The following SLC36A1 variants were observed in gnomAD, a reference collection of about 807,000 sequenced individuals.
SLC36A1 encodes the protein solute carrier family 36 member 1, also known as proton-coupled amino acid transporter 1.
SLC36A1 carries 30 observed loss-of-function variants against 47.5 expected under a neutral mutation model. The observed-to-expected ratio is 0.63, with a 90% CI of 0.47 to 0.86. SLC36A1 has a LOEUF of 0.86. Among genes scored for constraint, SLC36A1 ranks in the 40% least tolerant of loss-of-function variants. The pLI, the probability that SLC36A1 is intolerant of heterozygous loss-of-function variation, is 0.00. For synonymous variants in SLC36A1, 255 were observed against 249.7 expected, an observed-to-expected ratio of 1.02 and a Z score of -0.20; for missense variants, 517 against 606.0, an observed-to-expected ratio of 0.85 and a Z score of 1.54.
At chr5:151,456,131 T>G (rs1754464732) in intron 1 of SLC36A1, among the ~76,000 whole-genome samples, 1 of 152,210 alleles carries the variant, frequency 6.6e-6, no homozygotes, top group African/African-American at 2.4e-5. Context: ...AGGTTCTATC[T>G]TCAGATGCTT....
chr5:151,394,162 G>A, the SLC36A1 span, among the ~76,000 whole-genome samples: 1 of 152,030 alleles, frequency 6.6e-6, no homozygotes, highest in Admixed American at 6.6e-5. Flanking sequence ...TTGATCTTCA[G>A]TCACTGATAC....
downstream of SLC36A1, among the ~76,000 whole-genome samples, chr5:151,497,006 G>C (rs1760363759): frequency 6.6e-6 from 1 of 152,084 alleles, no homozygotes; most frequent in South Asian, 2.1e-4. Context: ...AATTCTAGGA[G>C]TTTTTGGTTA....
chr5:151,511,066 C>T, the SLC36A1 span: 1 of 152,616 alleles, frequency 6.6e-6, no homozygotes, highest in Middle Eastern at 3.4e-3. Flanking sequence ...CCGGCTCCTG[C>T]TGGAAGGTGG....
At chr5:151,445,322 G>A (rs1016538074), upstream of SLC36A1, among the ~76,000 whole-genome samples, 3 of 152,040 alleles carry the variant, frequency 2.0e-5, no homozygotes, top group South Asian at 2.1e-4. Context: ...TGCATGCCAG[G>A]GATAAATCCC....
the SLC36A1 span, chr5:151,544,431 G>A: frequency 1.3e-5 from 21 of 1,614,068 alleles, 1 homozygote; most frequent in South Asian, 2.2e-4. Context: ...TGGACTCATA[G>A]TCCAAAGGCC....
the SLC36A1 span, among the ~76,000 whole-genome samples, chr5:151,404,033 A>G: frequency 6.6e-6 from 1 of 152,294 alleles, no homozygotes; most frequent in East Asian, 1.9e-4. Flanking sequence ...GACTCCCACT[A>G]TTACTGTGTG....
chr5:151,371,762 G>C, the SLC36A1 span, among the ~76,000 whole-genome samples: 1 of 151,640 alleles, frequency 6.6e-6, no homozygotes, highest in Non-Finnish European at 1.5e-5. Context: ...TTCCTTTTTC[G>C]TTTTGGAAGA....
At chr5:151,476,943 G>C (rs1331101354) in intron 9 of SLC36A1, 187 bp downstream of exon 9, 1 of 758,440 alleles carries the variant, frequency 1.3e-6, no homozygotes, top group Non-Finnish European at 2.3e-6. Context: ...TTCATGTAGA[G>C]CCTTCTGCTG....
chr5:151,555,842 G>A, the SLC36A1 span, among the ~76,000 whole-genome samples: 1 of 152,156 alleles, frequency 6.6e-6, no homozygotes, highest in Non-Finnish European at 1.5e-5. Context: ...ATTTCCACCT[G>A]ATCTGCTTCT....
At chr5:151,389,153 A>G in the SLC36A1 span, among the ~76,000 whole-genome samples, 1 of 152,164 alleles carries the variant, frequency 6.6e-6, no homozygotes, top group Non-Finnish European at 1.5e-5. Context: ...GCCTGGTTAC[A>G]ATGCTGAGAG....
intron 7 of SLC36A1, chr5:151,469,194 C>T (rs779750087): frequency 1.3e-5 from 9 of 688,466 alleles, no homozygotes; most frequent in Non-Finnish European, 2.1e-5. Flanking sequence ...TGTCCCCACC[C>T]CGAGTCTCCT....
intron 10 of SLC36A1, among the ~76,000 whole-genome samples, chr5:151,481,878 C>G (rs139765910): frequency 6.2e-4 from 95 of 152,286 alleles, no homozygotes; most frequent in African/African-American, 2.2e-3. Context: ...ATGTCCAGAC[C>G]TTGTGTGGAA....
rs1408213938 is a variant in SLC36A1, at chr5:151,491,294, TA to T, written c.*3042del. ...TTATGTTGTGCTGCTGTCCAGCTGC[TA>T]AGATCCCTTCATCTGCACAAGCCCT... On this transcript the variant is annotated 3_prime_UTR_variant, in exon 11 of 11. Coordinates refer to ENST00000243389, the MANE Select transcript of SLC36A1 (RefSeq NM_078483.4). 1.3e-5 allele frequency: 2 copies of T among 152,654 alleles called. No homozygotes were observed. Among genetic ancestry groups the T allele is most frequent in the African/African-American group, 4.8e-5 (2 of 41,426 alleles). 9.5% of individuals were successfully genotyped at this position (152,654 alleles called of 1,614,324 possible).
At chr5:151,540,717 C>A in the SLC36A1 span, 3 of 1,614,192 alleles carry the variant, frequency 1.9e-6, no homozygotes, top group Non-Finnish European at 2.5e-6. Context: ...AAATCCTCCA[C>A]TCATCTCCAA....
chr5:151,545,816 C>A, the SLC36A1 span: 1 of 1,614,200 alleles, frequency 6.2e-7, no homozygotes, highest in Non-Finnish European at 8.5e-7. Flanking sequence ...TACAGTGGAG[C>A]TGCTTCACTA....
chr5:151,505,980 G>T, the SLC36A1 span: 20 of 1,573,798 alleles, frequency 1.3e-5, no homozygotes, highest in Middle Eastern at 3.4e-4. Context: ...CACGACTGGG[G>T]TTGAGTGGCG....
At chr5:151,351,352 A>C in the SLC36A1 span, among the ~76,000 whole-genome samples, 1 of 151,872 alleles carries the variant, frequency 6.6e-6, no homozygotes, top group Non-Finnish European at 1.5e-5. Context: ...ACTGCGCTCC[A>C]GCCTGGGCAA....
chr5:151,361,515 T>A, the SLC36A1 span, among the ~76,000 whole-genome samples: 1 of 152,244 alleles, frequency 6.6e-6, no homozygotes, highest in East Asian at 1.9e-4. Flanking sequence ...GTTCTGCAAC[T>A]GCCCAAATTG....
the SLC36A1 span, chr5:151,542,818 T>G: frequency 6.2e-7 from 1 of 1,614,236 alleles, no homozygotes; most frequent in Non-Finnish European, 8.5e-7. Flanking sequence ...CTGAAGGCAA[T>G]GTGCCATCAC....
Sources: gnomAD v4.1 joint callset for allele counts (sites outside exome capture counted in the v4.1 genomes callset) on GRCh38, gnomAD v4.1.1 for gene constraint, MANE v1.5 for transcripts, NCBI Gene and HGNC (gene_info 2026-07-23, HGNC 2026-07-21) for gene names.